Variants in RGS22 observed in about 807,000 individuals in gnomAD.
RGS22 encodes the protein regulator of G-protein signaling 22.
A neutral mutation model predicts 172.9 loss-of-function variants in RGS22; 148 were observed. That is an observed-to-expected ratio of 0.86 (90% confidence interval 0.75 to 0.98). The LOEUF is 0.98. Among genes scored for constraint, RGS22 ranks in the 50% least tolerant of loss-of-function variants. The pLI is 0.00. For synonymous variants in RGS22, 458 were observed against 480.2 expected (o/e 0.95, Z 0.60); for missense variants, 1,347 against 1,440.8 (o/e 0.93, Z 1.05).
rs148118999 is a variant in RGS22 at position 99,994,603 on chromosome 8, C to T, written c.3018+1859G>A. On this transcript the variant is annotated intron_variant, in intron 20 of 27. Transcript: ENST00000360863. The stretch of plus-strand genomic sequence containing the variant: ...AGGAGAAATACAAACCACTGCTCAA[C>T]GAATAAAAGAGGACACAAACAAATG... Among the ~76,000 whole-genome samples the T allele has an allele frequency of 2.5e-3, 382 of 151,944 alleles. 1 individual carries two copies. Among genetic ancestry groups the T allele is most frequent in the African/African-American group, 8.9e-3 (369 of 41,438 alleles).
chr8:100,062,654 T>C lies in RGS22; in HGVS notation c.1451A>G (p.Gln484Arg). ...ATTTCTTAAATGCTCTTCATTCCAC[T>C]GTGATCCATCTAACAGTTTAAATTT... The part of the protein sequence containing the change: ...LSKFKLLDGS[Q>R]WNEEHLRNIQ... The change falls in exon 9 of 28, where the codon CAG (glutamine) becomes CGG (arginine). Residue 484 changes from glutamine to arginine, a missense_variant. Gln to Arg is a conservative substitution (Grantham distance 43). Transcript: ENST00000360863. 6.2e-7 allele frequency: 1 copy of C among 1,607,094 alleles called. No individual in the cohort carries two copies. Among genetic ancestry groups the C allele is most frequent in the Non-Finnish European group, 8.5e-7 (1 of 1,175,180 alleles).
intron 14 of RGS22, among the ~76,000 whole-genome samples, chr8:100,010,126 T>A (rs1197281418): frequency 5.3e-5 from 8 of 152,292 alleles, no homozygotes; most frequent in Admixed American, 4.6e-4. Context: ...CACATATTGT[T>A]CCTTCCATCT....
chr8:100,062,762 A>T lies in RGS22; in HGVS notation c.1353-10T>A. 1 of 1,590,588 alleles carries T rather than the reference A, an allele frequency of 6.3e-7. No individual in the cohort carries two copies. Among genetic ancestry groups the T allele is most frequent in the Non-Finnish European group, 8.6e-7 (1 of 1,167,738 alleles). ...CATCTTCTCAAGATGTCTGAAATAA[A>T]ACACATTTCCATATATACACACACA... On this transcript the variant is annotated splice_polypyrimidine_tract_variant and intron_variant, in intron 8 of 27. Transcript: ENST00000360863.
chr8:100,005,939 C>A lies in RGS22; in HGVS notation c.2454+78G>T. 3.1e-6 allele frequency: 3 copies of A among 962,628 alleles called. No individual in the cohort carries two copies. In the South Asian group the frequency reaches 4.4e-5, roughly 14 times the overall value. 59.6% of individuals were successfully genotyped at this position (962,628 alleles called of 1,614,324 possible). A position where few individuals can be genotyped will look rare whatever the true frequency, so the allele number is the denominator to read the frequency against. On this transcript the variant is annotated intron_variant, in intron 16 of 27. Coordinates refer to ENST00000360863, the MANE Select transcript of RGS22 (RefSeq NM_015668.5). ...CTATATGATCTCGTCACTCTACAAT[C>A]TCCCCCTGCCCCATACATAAAGTGG...
At chr8:100,073,969 T>C (rs754950701) in intron 4 of RGS22, among the ~76,000 whole-genome samples, 2 of 152,060 alleles carry the variant, frequency 1.3e-5, no homozygotes, top group Non-Finnish European at 2.9e-5. Flanking sequence ...ACCAAAAACA[T>C]ACAAGACAAT....
At chr8:99,962,578 G>C in intron 26 of RGS22, 109 bp downstream of exon 26, 1 of 1,381,784 alleles carries the variant, frequency 7.2e-7, no homozygotes, top group East Asian at 2.3e-5. Flanking sequence ...TAGGGTGGAG[G>C]GGTCGGTCCT....
At chr8:100,003,259 T>C (rs1036844528) in intron 17 of RGS22, 1 of 152,600 alleles carries the variant, frequency 6.6e-6, no homozygotes, top group African/African-American at 2.4e-5. Context: ...TATCAGAACA[T>C]CTCATGTACC....
chr8:100,077,068 C>T (rs1343261060), intron 4 of RGS22, among the ~76,000 whole-genome samples: 1 of 151,846 alleles, frequency 6.6e-6, no homozygotes, highest in African/African-American at 2.4e-5. Flanking sequence ...GTAAAATTCT[C>T]TTATTTTTTT....
intron 21 of RGS22, among the ~76,000 whole-genome samples, chr8:99,983,056 A>T (rs73274944): frequency 0.098 from 14,852 of 151,940 alleles, 973 homozygotes; most frequent in African/African-American, 0.18. Context: ...GAACGTGTGG[A>T]TTTTGGTTTT....
At position 99,961,000 on chromosome 8, in the gene RGS22, C is replaced by T. The variant is rs1810137320; in HGVS notation, c.*242G>A. On this transcript the variant is annotated 3_prime_UTR_variant, in exon 28 of 28. Transcript: ENST00000360863. The stretch of plus-strand genomic sequence containing the variant: ...AAATAAGTTAAACAGTTCTTATAGT[C>T]TTGTATGTCATGTGTACAGAATAGC... 3.7e-6 allele frequency: 1 copy of T among 271,122 alleles called. No homozygotes were observed. Among genetic ancestry groups the T allele is most frequent in the South Asian group, 4.0e-5 (1 of 25,224 alleles). The allele number at this position is 271,122 out of a possible 1,614,324, so 16.8% of individuals were successfully genotyped here. A position where few individuals can be genotyped will look rare whatever the true frequency, so the allele number is the denominator to read the frequency against.
intron 10 of RGS22, among the ~76,000 whole-genome samples, chr8:100,050,465 T>A (rs1821160918): frequency 6.6e-6 from 1 of 152,218 alleles, no homozygotes; most frequent in African/African-American, 2.4e-5. Flanking sequence ...TCCCTCCAGC[T>A]CTACAACACT....
At chr8:100,012,017 A>C (rs1816436872) in intron 14 of RGS22, among the ~76,000 whole-genome samples, 1 of 152,062 alleles carries the variant, frequency 6.6e-6, no homozygotes, top group African/African-American at 2.4e-5. Context: ...GAGGTAAACC[A>C]AGTCAGAGTA....
intron 14 of RGS22, among the ~76,000 whole-genome samples, chr8:100,037,533 A>T (rs1819634065): frequency 6.6e-6 from 1 of 152,232 alleles, no homozygotes; most frequent in African/African-American, 2.4e-5. Flanking sequence ...TCCACCTTCA[A>T]GTAACCAAAA....
intron 11 of RGS22, 116 bp from the exon 12 acceptor site, chr8:100,042,032 T>G: frequency 3.4e-6 from 2 of 594,192 alleles, no homozygotes; most frequent in South Asian, 2.0e-5. Context: ...TTCTGAGCAA[T>G]GTGACTCAGG....
At chr8:99,990,348 G>A (rs2131265024) in intron 20 of RGS22, among the ~76,000 whole-genome samples, 1 of 152,230 alleles carries the variant, frequency 6.6e-6, no homozygotes, top group East Asian at 1.9e-4. Context: ...GGGGACTCTG[G>A]CCTTGCAGAA....
Position 99,965,405 on chromosome 8 carries a change from G to C in RGS22, c.3545C>G (p.Thr1182Ser). The C allele has an allele frequency of 6.2e-7, 1 of 1,612,468 alleles. No homozygotes were observed. Among genetic ancestry groups the C allele is most frequent in the East Asian group, 2.2e-5 (1 of 44,830 alleles). ...AGCAGTTTTGATAGCAGGCACTGAA[G>C]TATTTGCATATTGTTTGATTCCATC... The part of the protein sequence containing the change: ...GKDGIKQYAN[T>S]SVPAIKTALL... The change falls in exon 24 of 28, where the codon ACT becomes AGT. Residue 1182 changes from threonine (T) to serine (S), a missense_variant. Coordinates refer to ENST00000360863, the MANE Select transcript of RGS22 (RefSeq NM_015668.5).
intron 22 of RGS22, among the ~76,000 whole-genome samples, chr8:99,980,634 C>T (rs531424129): frequency 6.6e-6 from 1 of 152,274 alleles, no homozygotes; most frequent in South Asian, 2.1e-4. Context: ...TTTTCAGATG[C>T]TCTAACGTCC....
chr8:100,041,358 G>T (rs1477332348), intron 12 of RGS22, among the ~76,000 whole-genome samples: 2 of 152,096 alleles, frequency 1.3e-5, no homozygotes, highest in African/African-American at 4.8e-5. Context: ...AGGCGTGGTG[G>T]TGTGCGCCTG....
chr8:100,045,673 T>C (rs972632388), intron 11 of RGS22, among the ~76,000 whole-genome samples: 3 of 151,544 alleles, frequency 2.0e-5, no homozygotes, highest in Non-Finnish European at 4.4e-5. Flanking sequence ...AAAAAGCACA[T>C]GAATTTTGAC....
Sources: gnomAD v4.1 joint callset for allele counts (sites outside exome capture counted in the v4.1 genomes callset) on GRCh38, gnomAD v4.1.1 for gene constraint, MANE v1.5 for transcripts, NCBI Gene and HGNC (gene_info 2026-07-23, HGNC 2026-07-21) for gene names.